Variants in ARHGAP35 observed in about 807,000 individuals in gnomAD.
The protein encoded by ARHGAP35 is rho GTPase-activating protein 35.
Under a neutral mutation model 111.1 loss-of-function variants are expected in ARHGAP35, and 15 were observed. That is an observed-to-expected ratio of 0.13 (90% CI 0.09 to 0.21). The LOEUF is 0.21. Among genes scored for constraint, ARHGAP35 ranks in the 10% least tolerant of loss-of-function variants. ARHGAP35 has a pLI of 1.00. For synonymous variants in ARHGAP35, 643 were observed against 710.3 expected, an observed-to-expected ratio of 0.91 and a Z score of 1.51; for missense variants, 1,262 against 1,873.0, an observed-to-expected ratio of 0.67 and a Z score of 6.02.
At chr19:46,877,218 C>T (rs1044742053) in intron 1 of ARHGAP35, among the ~76,000 whole-genome samples, 14 of 140,960 alleles carry the variant, frequency 9.9e-5, no homozygotes, top group South Asian at 2.3e-4. Context: ...CGCCATTGCG[C>T]TCCAGCCTGG....
intron 3 of ARHGAP35, among the ~76,000 whole-genome samples, chr19:46,976,592 G>A (rs1420158857): frequency 6.6e-6 from 1 of 152,250 alleles, no homozygotes; most frequent in Non-Finnish European, 1.5e-5. Flanking sequence ...TGGCTGTCCC[G>A]GCTGCACTCG....
At chr19:46,985,541 G>A (rs906863068) in intron 3 of ARHGAP35, among the ~76,000 whole-genome samples, 5 of 152,196 alleles carry the variant, frequency 3.3e-5, no homozygotes, top group Admixed American at 2.0e-4. Context: ...CTGAATCTTA[G>A]TTTCCTCATG....
chr19:47,000,884 C>A lies in ARHGAP35; in HGVS notation c.*196C>A. 6.5e-7 allele frequency: 1 copy of A among 1,534,130 alleles called. No homozygotes were observed. The highest frequency in any genetic ancestry group is 8.7e-7 in the Non-Finnish European group (1 of 1,146,052). ...GCCAGGTACCCTGGGCCTGGCGCTG[C>A]AGACCTGAGCTGGCTTGGACCCATT... On this transcript the variant is annotated 3_prime_UTR_variant, in exon 7 of 7. Coordinates refer to ENST00000672722, the MANE Select transcript of ARHGAP35 (RefSeq NM_004491.5). The surrounding 1 kb of genome is among the most constrained non-coding windows in gnomAD (Gnocchi z 6.9).
intron 3 of ARHGAP35, among the ~76,000 whole-genome samples, chr19:46,963,270 G>A (rs1158541320): frequency 1.3e-5 from 2 of 152,114 alleles, no homozygotes; most frequent in African/African-American, 4.8e-5. Context: ...GTCTTTGATT[G>A]GAAATTATGC....
chr19:46,997,963 G>T (rs549560949), intron 5 of ARHGAP35, among the ~76,000 whole-genome samples: 1 of 152,050 alleles, frequency 6.6e-6, no homozygotes, highest in African/African-American at 2.4e-5. Flanking sequence ...ATTAGCCGGC[G>T]TGGTGGCGGG....
chr19:46,901,400 A>C lies in ARHGAP35; in HGVS notation c.-188-17088A>C, dbSNP rs542660605. Reference sequence around the variant, plus strand: ...TGGTGACACCCCATCTCCACTAAAAATACAAAAATTAGCTAGGCATGGTGA... The same window carrying C: ...TGGTGACACCCCATCTCCACTAAAACTACAAAAATTAGCTAGGCATGGTGA... On this transcript the variant is annotated intron_variant, in intron 1 of 6. Transcript: ENST00000672722. The surrounding 1 kb of genome is among the most constrained non-coding windows in gnomAD (Gnocchi z 4.5). Among the ~76,000 whole-genome samples the C allele has an allele frequency of 6.6e-6, 1 of 152,184 alleles. No individual in the cohort carries two copies. Among genetic ancestry groups the C allele is most frequent in the South Asian group, 2.1e-4 (1 of 4,834 alleles).
At chr19:46,911,410 C>T (rs982166843) in intron 1 of ARHGAP35, among the ~76,000 whole-genome samples, 3 of 152,160 alleles carry the variant, frequency 2.0e-5, no homozygotes, top group African/African-American at 7.2e-5. Context: ...CCTTTTGTTT[C>T]ATCACATTTT....
chr19:46,964,490 T>C (rs1438646853), intron 3 of ARHGAP35, among the ~76,000 whole-genome samples: 2 of 152,182 alleles, frequency 1.3e-5, no homozygotes, highest in Non-Finnish European at 2.9e-5. Context: ...ACTCCTGAGC[T>C]CAAGTGATCC....
intron 2 of ARHGAP35, among the ~76,000 whole-genome samples, chr19:46,929,463 A>G (rs1393427474): frequency 6.6e-6 from 1 of 152,120 alleles, no homozygotes; most frequent in East Asian, 1.9e-4. Context: ...ATAGTATGCT[A>G]CCACACAACT....
Position 46,920,026 on chromosome 19 carries a change from C to A in ARHGAP35, c.1351C>A (p.Pro451Thr). The change falls in exon 2 of 7, where the codon CCT becomes ACT. Residue 451 changes from proline to threonine, a missense_variant. Around this residue, in one of 8 missense-constraint regions of ARHGAP35, gnomAD observed 328 missense variants for 440.8 expected, o/e 0.74. Transcript: ENST00000672722. The surrounding 1 kb of genome is among the most constrained non-coding windows in gnomAD (Gnocchi z 7.0). ...TTCTCCTTTCATAACTCCCGGAAAG[C>A]CTTGGGAAGAGGCCCGTAGTTTTAT... Reference protein sequence around the residue: ...ETSPFITPGKPWEEARSFIMN... With the variant: ...ETSPFITPGKTWEEARSFIMN... 6.2e-7 allele frequency: 1 copy of A among 1,613,872 alleles called. No individual in the cohort carries two copies. The highest frequency in any genetic ancestry group is 8.5e-7 in the Non-Finnish European group (1 of 1,179,886).
intron 3 of ARHGAP35, among the ~76,000 whole-genome samples, chr19:46,971,536 G>A (rs1223376275): frequency 6.7e-6 from 1 of 149,316 alleles, no homozygotes; most frequent in Non-Finnish European, 1.5e-5. Flanking sequence ...GTCTTGCTCT[G>A]TCACCCAGGC....
intron 3 of ARHGAP35, among the ~76,000 whole-genome samples, chr19:46,937,937 G>C (rs936477893): frequency 6.6e-6 from 1 of 152,192 alleles, no homozygotes; most frequent in African/African-American, 2.4e-5. Context: ...TGGTTATGCC[G>C]CTCCTCTGAC....
chr19:47,000,612 A>T lies in ARHGAP35; in HGVS notation c.4424A>T (p.Gln1475Leu). 1 of 1,608,278 alleles carries T rather than the reference A, an allele frequency of 6.2e-7. No individual in the cohort carries two copies. The highest frequency in any genetic ancestry group is 8.5e-7 in the Non-Finnish European group (1 of 1,178,050). ...TPVTSQPSPP[Q>L]SPPPTPQSPM... ...GTCACAAGTCAGCCGTCGCCCCCAC[A>T]GTCGCCTCCACCCACCCCCCAGTCC... Residue 1475 changes from glutamine to leucine, a missense_variant, in exon 7 of 7, where the codon CAG becomes CTG. Physicochemically the swap from Gln to Leu is moderately radical, Grantham distance 113 (BLOSUM62 -2). Coordinates refer to ENST00000672722, the MANE Select transcript of ARHGAP35 (RefSeq NM_004491.5). This position sits in a 1 kb window ranked among gnomAD's most constrained non-coding sequence, Gnocchi z 6.9.
chr19:46,916,751 T>A (rs2122189175), intron 1 of ARHGAP35, among the ~76,000 whole-genome samples: 2 of 152,312 alleles, frequency 1.3e-5, no homozygotes, highest in Admixed American at 1.3e-4. Flanking sequence ...GATTCATGTG[T>A]TGTTAACAAT....
At chr19:46,950,312 C>A (rs1280659896) in intron 3 of ARHGAP35, among the ~76,000 whole-genome samples, 1 of 152,176 alleles carries the variant, frequency 6.6e-6, no homozygotes, top group Non-Finnish European at 1.5e-5. Context: ...CAATTTCTTT[C>A]TTTCTTCCAC....
intron 1 of ARHGAP35, among the ~76,000 whole-genome samples, chr19:46,877,214 T>G (rs888386512): frequency 7.1e-6 from 1 of 140,600 alleles, no homozygotes; most frequent in Admixed American, 7.6e-5. Flanking sequence ...ATCACGCCAT[T>G]GCGCTCCAGC....
At chr19:46,977,933 T>C (rs1406979903) in intron 3 of ARHGAP35, among the ~76,000 whole-genome samples, 1 of 152,132 alleles carries the variant, frequency 6.6e-6, no homozygotes, top group Non-Finnish European at 1.5e-5. Context: ...ACTGCGTAAA[T>C]GTAAGCAATT....
At chr19:46,998,333 G>A (rs546395380) in intron 5 of ARHGAP35, among the ~76,000 whole-genome samples, 7 of 152,122 alleles carry the variant, frequency 4.6e-5, no homozygotes, top group Non-Finnish European at 1.0e-4. Context: ...CATCTCCTTC[G>A]TGAGACCCTC....
chr19:46,950,863 G>A (rs1166774914), intron 3 of ARHGAP35, among the ~76,000 whole-genome samples: 1 of 152,246 alleles, frequency 6.6e-6, no homozygotes, highest in Non-Finnish European at 1.5e-5. Context: ...TTGTGGCACA[G>A]AGAAGTAGGT....
Sources: gnomAD v4.1 joint callset for allele counts (sites outside exome capture counted in the v4.1 genomes callset) on GRCh38, gnomAD v4.1.1 for gene constraint, gnomAD v4.1.1 regional missense constraint, Gnocchi (gnomAD v3.1) non-coding constraint, MANE v1.5 for transcripts, NCBI Gene and HGNC (gene_info 2026-07-23, HGNC 2026-07-21) for gene names.